The following TFDP2 variants were observed in gnomAD, a reference collection of about 807,000 sequenced individuals.
TFDP2 encodes transcription factor Dp-2, also known as transcription factor Dp-2 (E2F dimerization partner 2).
A neutral mutation model predicts 59.3 loss-of-function variants in TFDP2; 17 were observed. The observed-to-expected ratio is 0.29, with a 90% CI of 0.20 to 0.43. TFDP2 has a LOEUF of 0.43. TFDP2 is among the 20% of genes least tolerant of loss of function. The pLI, the probability that TFDP2 is intolerant of heterozygous loss-of-function variation, is 1.00. For missense variants in TFDP2, 391 were observed against 528.8 expected (o/e 0.74, Z 2.56); for synonymous variants, 180 against 194.7 (o/e 0.92, Z 0.63).
At chr3:142,041,460 T>C (rs1273455742) in intron 3 of TFDP2, among the ~76,000 whole-genome samples, 1 of 152,212 alleles carries the variant, frequency 6.6e-6, no homozygotes, top group Non-Finnish European at 1.5e-5. Flanking sequence ...CAAGATCTGA[T>C]GGTTTTATAA....
At chr3:142,140,532 T>C (rs1293451155) in intron 1 of TFDP2, among the ~76,000 whole-genome samples, 1 of 152,214 alleles carries the variant, frequency 6.6e-6, no homozygotes, top group Non-Finnish European at 1.5e-5. Flanking sequence ...GTTGGTGACC[T>C]ACAGATGGGG....
At chr3:141,978,459 AG>A in intron 7 of TFDP2, 60 bp downstream of exon 7, 4 of 1,503,210 alleles carry the variant, frequency 2.7e-6, no homozygotes, top group Non-Finnish European at 3.6e-6. Context: ...TCTATAACAA[AG>A]ATAACACAAA....
intron 11 of TFDP2, among the ~76,000 whole-genome samples, chr3:141,958,229 G>A (rs1046284366): frequency 3.3e-5 from 5 of 151,822 alleles, no homozygotes; most frequent in African/African-American, 9.7e-5. Context: ...TCAAGCAATC[G>A]GAAACAAACA....
At chr3:142,057,674 C>T (rs1475943015) in intron 3 of TFDP2, among the ~76,000 whole-genome samples, 1 of 152,150 alleles carries the variant, frequency 6.6e-6, no homozygotes, top group African/African-American at 2.4e-5. Flanking sequence ...AAAGTGACTG[C>T]ATTTCAAACT....
chr3:142,002,929 C>CAAA (rs1943918765), intron 4 of TFDP2, among the ~76,000 whole-genome samples: 1 of 152,060 alleles, frequency 6.6e-6, no homozygotes, highest in Non-Finnish European at 1.5e-5. Context: ...GGCTCACTCT[C>CAAA]TGCTTCATAG....
At position 142,119,772 on chromosome 3, in the gene TFDP2, C is replaced by T. The variant is rs58586012; in HGVS notation, c.-92-17931G>A. ...TGTCTCTAAAACAAGAAAAAGAGAC[C>T]GGGTGCAGCGGCTCACGCCTGTAAT... is the stretch of plus-strand genomic sequence containing the variant. On this transcript the variant is annotated intron_variant, in intron 1 of 12. Transcript: ENST00000489671. Among the ~76,000 whole-genome samples, 1,181 of 152,180 alleles carry T rather than the reference C, an allele frequency of 7.8e-3. 33 individuals carry two copies. The East Asian group carries it at 0.11, about 14-fold the overall frequency.
intron 3 of TFDP2, among the ~76,000 whole-genome samples, chr3:142,066,223 G>GT (rs757847107): frequency 1.3e-5 from 2 of 152,068 alleles, no homozygotes; most frequent in Non-Finnish European, 2.9e-5. Context: ...TTTTATTCCT[G>GT]TTTCCAGGCT....
chr3:142,116,674 A>C (rs56180811), intron 1 of TFDP2, among the ~76,000 whole-genome samples: 12,958 of 152,188 alleles, frequency 0.085, 691 homozygotes, highest in Middle Eastern at 0.14. Flanking sequence ...GGTTTTGCAC[A>C]CTATTATAGT....
In TFDP2 at chr3:141,987,054, C is replaced by G. The variant is rs79593225; in HGVS notation, c.356+6484G>C. Among the ~76,000 whole-genome samples, 452 of 152,282 alleles carry G rather than the reference C, an allele frequency of 3.0e-3. 6 individuals carry two copies. The East Asian group carries it at 0.043, about 15-fold the overall frequency. ...GATTCTTTTGTTTTTTCTTGGTATACAATCACATCATCTGCAAATAGTGCC... is the reference window on the plus strand; with the variant it reads ...GATTCTTTTGTTTTTTCTTGGTATAGAATCACATCATCTGCAAATAGTGCC... On this transcript the variant is annotated intron_variant, in intron 6 of 12. Transcript: ENST00000489671.
Position 142,149,440 on chromosome 3 carries a change from CA to C in TFDP2, c.-351del. The C allele has an allele frequency of 2.6e-6, 1 of 379,808 alleles. No individual in the cohort carries two copies. 23.5% of individuals were successfully genotyped at this position (379,808 alleles called of 1,614,324 possible). The stretch of plus-strand genomic sequence containing the variant: ...CGCCCCGCGGGCCGGGCAGCTGCGG[CA>C]GCGCCGCAGCCGAGATCGCTACCGA... On this transcript the variant is annotated 5_prime_UTR_variant, in exon 1 of 13. Coordinates refer to ENST00000489671, the MANE Select transcript of TFDP2 (RefSeq NM_001178139.2).
intron 1 of TFDP2, among the ~76,000 whole-genome samples, chr3:142,128,913 CTTTCT>C (rs1355035381): frequency 2.9e-5 from 1 of 33,954 alleles, no homozygotes; most frequent in Non-Finnish European, 5.0e-5. Context: ...AGAAATGCAA[CTTTCT>C]TTTTTTTTTT....
At chr3:142,075,580 T>C (rs1212266860) in intron 3 of TFDP2, among the ~76,000 whole-genome samples, 7 of 151,940 alleles carry the variant, frequency 4.6e-5, no homozygotes, top group African/African-American at 1.7e-4. Context: ...TCTCTACTGC[T>C]TTGAGATACT....
intron 1 of TFDP2, among the ~76,000 whole-genome samples, chr3:142,148,529 T>C (rs2063257497): frequency 6.7e-6 from 1 of 149,192 alleles, no homozygotes; most frequent in South Asian, 2.2e-4. Context: ...ATGCATCTAA[T>C]TTACAGATGA....
intron 7 of TFDP2, 30 bp from the exon 8 acceptor site, chr3:141,974,221 A>G (rs774725675): frequency 6.3e-7 from 1 of 1,577,848 alleles, no homozygotes; most frequent in South Asian, 1.2e-5. Flanking sequence ...CTGAGTGATA[A>G]ATCTTAAGGG....
At chr3:142,025,157 C>T (rs1288439365) in intron 3 of TFDP2, among the ~76,000 whole-genome samples, 3 of 152,090 alleles carry the variant, frequency 2.0e-5, no homozygotes, top group Admixed American at 1.3e-4. Flanking sequence ...TTTTTTCCTT[C>T]AGACACTCCC....
chr3:142,103,930 TTACATAGGTA>T (rs1440386767), intron 1 of TFDP2, among the ~76,000 whole-genome samples: 2 of 152,212 alleles, frequency 1.3e-5, no homozygotes, highest in African/African-American at 4.8e-5. Flanking sequence ...TGCAGTTTTG[TTACATAGGTA>T]TACATAGGTA....
At chr3:141,966,022 A>C (rs148509959) in intron 9 of TFDP2, among the ~76,000 whole-genome samples, 1 of 152,078 alleles carries the variant, frequency 6.6e-6, no homozygotes, top group East Asian at 1.9e-4. Flanking sequence ...TAGTGCCACA[A>C]GAGGACCCTG....
chr3:142,061,021 A>G (rs1249636900), intron 3 of TFDP2, among the ~76,000 whole-genome samples: 1 of 152,254 alleles, frequency 6.6e-6, no homozygotes, highest in African/African-American at 2.4e-5. Flanking sequence ...TCATAAAAGT[A>G]TAATTCAACT....
intron 3 of TFDP2, among the ~76,000 whole-genome samples, chr3:142,047,123 G>C (rs1225425651): frequency 6.6e-6 from 1 of 152,168 alleles, no homozygotes; most frequent in African/African-American, 2.4e-5. Flanking sequence ...CTCTAATCCA[G>C]ATTAACAACG....
Sources: allele counts gnomAD v4.1 joint callset (sites outside exome capture counted in the v4.1 genomes callset), GRCh38; gene constraint gnomAD v4.1.1; transcripts MANE v1.5; gene names NCBI Gene and HGNC (gene_info 2026-07-23, HGNC 2026-07-21).